The following ANK3 variants were observed in gnomAD, a reference collection of about 807,000 sequenced individuals.
ANK3 encodes the protein ankyrin-3.
A neutral mutation model predicts 370.9 loss-of-function variants in ANK3; 57 were observed. The ratio of observed to expected loss-of-function variants is 0.15; its 90% CI spans 0.12 to 0.19. The LOEUF is 0.19. ANK3 is among the 10% of genes least tolerant of loss of function. The pLI, the probability that ANK3 is intolerant of heterozygous loss-of-function variation, is 1.00. For synonymous variants in ANK3, 1,929 were observed against 1,946.3 expected, an observed-to-expected ratio of 0.99 and a Z score of 0.23; for missense variants, 4,439 against 5,302.1, an observed-to-expected ratio of 0.84 and a Z score of 5.06.
At chr10:60,314,402 A>G (rs1217270198) in intron 1 of ANK3, among the ~76,000 whole-genome samples, 3 of 152,230 alleles carry the variant, frequency 2.0e-5, no homozygotes, top group Non-Finnish European at 4.4e-5. Context: ...GAGAGCTTGC[A>G]GGACATTAAT....
intron 10 of ANK3, among the ~76,000 whole-genome samples, chr10:60,207,530 G>T (rs1565680815): frequency 6.6e-6 from 1 of 152,126 alleles, no homozygotes; most frequent in Non-Finnish European, 1.5e-5. Context: ...ACAAATTAAA[G>T]TGAAGCCTAT....
At chr10:60,171,487 G>C (rs2095793554) in intron 21 of ANK3, among the ~76,000 whole-genome samples, 1 of 152,160 alleles carries the variant, frequency 6.6e-6, no homozygotes, top group Admixed American at 6.6e-5. Context: ...GAGAAAAGGG[G>C]ACAGAGCTGA....
intron 21 of ANK3, among the ~76,000 whole-genome samples, chr10:60,168,369 T>C (rs1043599855): frequency 6.6e-6 from 1 of 152,190 alleles, no homozygotes; most frequent in African/African-American, 2.4e-5. Flanking sequence ...TCACAATTAA[T>C]GAATCAACAT....
At chr10:60,318,047 A>T (rs2047841440) in intron 1 of ANK3, among the ~76,000 whole-genome samples, 1 of 152,170 alleles carries the variant, frequency 6.6e-6, no homozygotes, top group Admixed American at 6.5e-5. Context: ...GCCATTTACT[A>T]TGCACAATTT....
At chr10:60,297,159 AGCTG>A (rs2042703563) in intron 1 of ANK3, among the ~76,000 whole-genome samples, 3 of 152,206 alleles carry the variant, frequency 2.0e-5, no homozygotes, top group Admixed American at 6.5e-5. Context: ...GACTAAATAA[AGCTG>A]AAACATATCC....
At chr10:60,495,771 T>A (rs529255307) in intron 2 of ANK3, among the ~76,000 whole-genome samples, 50 of 152,226 alleles carry the variant, frequency 3.3e-4, no homozygotes, top group Non-Finnish European at 5.4e-4. Context: ...ATTATAATAT[T>A]AAGTGGGGCA....
At chr10:60,241,302 C>T (rs2097453511) in intron 7 of ANK3, among the ~76,000 whole-genome samples, 1 of 152,036 alleles carries the variant, frequency 6.6e-6, no homozygotes, top group Non-Finnish European at 1.5e-5. Context: ...TTGAATTTGA[C>T]CTGATTTAGT....
In ANK3 at chr10:60,386,514, T is replaced by C. The variant is rs1055153124; in HGVS notation, c.114+2911A>G. Among the ~76,000 whole-genome samples, 4 of 151,800 alleles carry C rather than the reference T, an allele frequency of 2.6e-5. No homozygotes were observed. The East Asian group carries it at 7.7e-4, about 29-fold the overall frequency. On this transcript the variant is annotated intron_variant, in intron 1 of 43. Coordinates refer to ENST00000280772, the MANE Select transcript of ANK3 (RefSeq NM_020987.5). ...ATCTTTATTAAAACTCAACTAATTA[T>C]AAATTCCTAGAAGTTCTGTACTGCT...
intron 2 of ANK3, among the ~76,000 whole-genome samples, chr10:60,548,392 GT>G (rs890062839): frequency 3.3e-5 from 5 of 150,760 alleles, no homozygotes; most frequent in African/African-American, 1.2e-4. Context: ...GTGTGTGCGT[GT>G]TTTTTTTGTT....
At chr10:60,321,211 C>A (rs1017127358) in intron 1 of ANK3, among the ~76,000 whole-genome samples, 4 of 151,798 alleles carry the variant, frequency 2.6e-5, no homozygotes, top group Admixed American at 6.6e-5. Flanking sequence ...CAGCATGAGA[C>A]CCTCTTCTCT....
At chr10:60,624,254 C>A (rs1253983014) in intron 1 of ANK3, among the ~76,000 whole-genome samples, 1 of 152,034 alleles carries the variant, frequency 6.6e-6, no homozygotes, top group African/African-American at 2.4e-5. Flanking sequence ...CTCATCACTG[C>A]AATCAAAGCT....
At chr10:60,180,466 C>T (rs1006865957) in intron 18 of ANK3, among the ~76,000 whole-genome samples, 3 of 149,942 alleles carry the variant, frequency 2.0e-5, no homozygotes, top group Non-Finnish European at 3.0e-5. Context: ...CATGGTGGCA[C>T]ATGCCTGTAG....
At chr10:60,131,282 C>T (rs931076182) in intron 25 of ANK3, among the ~76,000 whole-genome samples, 2 of 152,166 alleles carry the variant, frequency 1.3e-5, no homozygotes, top group African/African-American at 2.4e-5. Context: ...TCTGAAATCT[C>T]CTGCCAATTT....
intron 1 of ANK3, among the ~76,000 whole-genome samples, chr10:60,381,487 G>T (rs2061539865): frequency 6.6e-6 from 1 of 152,176 alleles, no homozygotes; most frequent in African/African-American, 2.4e-5. Context: ...CTAACTGTGG[G>T]ACTTAAATGG....
intron 2 of ANK3, among the ~76,000 whole-genome samples, chr10:60,412,771 C>T (rs989746048): frequency 6.6e-6 from 1 of 150,992 alleles, no homozygotes; most frequent in African/African-American, 2.5e-5. Flanking sequence ...GTGCAACAAA[C>T]ATTTTACTGA....
At chr10:60,180,990 T>C (rs1288424582) in intron 18 of ANK3, among the ~76,000 whole-genome samples, 3 of 152,166 alleles carry the variant, frequency 2.0e-5, no homozygotes, top group African/African-American at 4.8e-5. Flanking sequence ...TATTTGTCTA[T>C]TTGTCTGCAT....
intron 4 of ANK3, among the ~76,000 whole-genome samples, chr10:60,278,521 C>T (rs1431858519): frequency 6.6e-6 from 1 of 152,070 alleles, no homozygotes; most frequent in Non-Finnish European, 1.5e-5. Context: ...ATTACAGACA[C>T]CATGATGCCA....
At chr10:60,057,284 A>C (rs952717013) in intron 41 of ANK3, among the ~76,000 whole-genome samples, 10 of 152,104 alleles carry the variant, frequency 6.6e-5, no homozygotes, top group Admixed American at 6.5e-4. Flanking sequence ...TTTTAAATTG[A>C]CTTCTAAGTT....
In ANK3 at chr10:60,659,132, C is replaced by T. The variant is rs147077366; in HGVS notation, c.58-43908G>A. Among the ~76,000 whole-genome samples the T allele has an allele frequency of 1.4e-4, 22 of 152,194 alleles. No homozygotes were observed. The South Asian group carries it at 2.1e-3, about 14-fold the overall frequency. On this transcript the variant is annotated intron_variant, in intron 1 of 43. Transcript: ENST00000373827. Reference sequence around the variant, plus strand: ...ATAAAAGCTAAAGGTATAAAACTTACGAAGAAAATATCTTTGTGATCTTGA... The same window carrying T: ...ATAAAAGCTAAAGGTATAAAACTTATGAAGAAAATATCTTTGTGATCTTGA...
Sources: allele counts gnomAD v4.1 joint callset (sites outside exome capture counted in the v4.1 genomes callset), GRCh38; gene constraint gnomAD v4.1.1; transcripts MANE v1.5; gene names NCBI Gene and HGNC (gene_info 2026-07-23, HGNC 2026-07-21).